ACSS1: variants seen among roughly 807,000 people sequenced by gnomAD.
ACSS1 encodes the protein acyl-CoA synthetase short chain family member 1, also known as acetyl-coenzyme A synthetase 2-like, mitochondrial.
Under a neutral mutation model 75.3 loss-of-function variants are expected in ACSS1, and 42 were observed. The observed-to-expected ratio is 0.56, with a 90% CI of 0.44 to 0.72. The LOEUF (loss-of-function observed/expected upper bound fraction) is 0.72. ACSS1 is among the 30% of genes least tolerant of loss of function. ACSS1 has a pLI of 0.00. For missense variants in ACSS1, 782 were observed against 935.7 expected, an observed-to-expected ratio of 0.84 and a Z score of 2.14; for synonymous variants, 380 against 376.8, an observed-to-expected ratio of 1.01 and a Z score of -0.10.
At chr20:25,039,656 G>A (rs532418661) in intron 2 of ACSS1, among the ~76,000 whole-genome samples, 79 of 152,326 alleles carry the variant, frequency 5.2e-4, no homozygotes, top group Non-Finnish European at 7.9e-4. Flanking sequence ...GCACAGGCAG[G>A]TCAAATCCCA....
chr20:25,053,029 A>G lies in ACSS1; in HGVS notation c.334+4740T>C, dbSNP rs150989237. Among the ~76,000 whole-genome samples, 384 of 149,270 alleles carry G rather than the reference A, an allele frequency of 2.6e-3. 1 individual carries two copies. The highest frequency in any genetic ancestry group is 9.2e-3 in the African/African-American group (369 of 40,182). ...GTGGAACCCAGCATACAGAAATTCA[A>G]TTTGAATACGGAGTTACTATTCACA... On this transcript the variant is annotated intron_variant, in intron 1 of 13. Transcript: ENST00000323482.
intron 13 of ACSS1, among the ~76,000 whole-genome samples, chr20:25,008,383 C>G (rs1448085047): frequency 6.6e-6 from 1 of 152,250 alleles, no homozygotes; most frequent in Non-Finnish European, 1.5e-5. Context: ...TAACATGGAG[C>G]ATGCTCAAAC....
intron 7 of ACSS1, among the ~76,000 whole-genome samples, chr20:25,016,671 A>T (rs1451871467): frequency 6.6e-6 from 1 of 152,198 alleles, no homozygotes; most frequent in African/African-American, 2.4e-5. Flanking sequence ...GAACATCCAC[A>T]AGGGGCAGGG....
chr20:25,048,299 G>A, intron 1 of ACSS1, 118 bp from the exon 2 acceptor site: 1 of 770,296 alleles, frequency 1.3e-6, no homozygotes, highest in South Asian at 1.7e-5. Flanking sequence ...TCCACTGACA[G>A]AGACCCTGTC....
intron 2 of ACSS1, chr20:25,031,249 G>A (rs2088819442): frequency 4.4e-6 from 2 of 457,944 alleles, no homozygotes; most frequent in Non-Finnish European, 8.0e-6. Context: ...GCGTAGGGGA[G>A]CCATGGTGAC....
chr20:25,024,503 T>C (rs1229420212), intron 3 of ACSS1, among the ~76,000 whole-genome samples: 1 of 152,198 alleles, frequency 6.6e-6, no homozygotes, highest in Non-Finnish European at 1.5e-5. Context: ...CCACATCCCT[T>C]GGGCCTTTCA....
At chr20:25,023,357 C>A in intron 4 of ACSS1, 109 bp downstream of exon 4, 2 of 1,342,540 alleles carry the variant, frequency 1.5e-6, no homozygotes, top group South Asian at 1.3e-5. Context: ...CACAGAGGAA[C>A]CCTGGGCACC....
Position 25,013,555 on chromosome 20 carries a change from G to C in ACSS1, c.1560C>G (p.Ala520=), listed in dbSNP as rs2088456046. 1 of 1,602,348 alleles carries C rather than the reference G, an allele frequency of 6.2e-7. No individual in the cohort carries two copies. Among genetic ancestry groups the C allele is most frequent in the African/African-American group, 1.3e-5 (1 of 74,762 alleles). The change falls in exon 10 of 14, where the codon GCC becomes GCG. Residue 520 remains alanine, a synonymous_variant. Coordinates refer to ENST00000323482, the MANE Select transcript of ACSS1 (RefSeq NM_032501.4). ...GCTCACCTGGGTAGGCCTTGAAGTA[G>C]GCGTCCACAAATCGCTGGTGGTCGC... ...IYGDHQRFVD[A]YFKAYPGYYF...
chr20:25,036,220 G>A lies in ACSS1; in HGVS notation c.432-5262C>T, dbSNP rs1312669674. Reference sequence around the variant, plus strand: ...GCTTTTGGTGCAGACGTATGCAAATGATGTGCACAAAAATACAAATGTGGC... The same window carrying A: ...GCTTTTGGTGCAGACGTATGCAAATAATGTGCACAAAAATACAAATGTGGC... On this transcript the variant is annotated intron_variant, in intron 2 of 13. Coordinates refer to ENST00000323482, the MANE Select transcript of ACSS1 (RefSeq NM_032501.4). 4.6e-5 allele frequency among the ~76,000 whole-genome samples: 7 copies of A among 152,316 alleles called. No homozygotes were observed. The Middle Eastern group carries it at 0.017, about 370-fold the overall frequency.
intron 1 of ACSS1, among the ~76,000 whole-genome samples, chr20:25,049,699 C>T (rs1215215944): frequency 2.0e-5 from 3 of 152,176 alleles, no homozygotes; most frequent in African/African-American, 4.8e-5. Context: ...TCCACGGAGA[C>T]AGCGCCCGCA....
At chr20:25,012,206 G>C in intron 12 of ACSS1, 1 of 284,138 alleles carries the variant, frequency 3.5e-6, no homozygotes, top group Non-Finnish European at 6.9e-6. Context: ...CGGCTGCAGA[G>C]CTGGCTTGAG....
chr20:25,032,643 C>T (rs1216973388), intron 2 of ACSS1: 1 of 1,225,352 alleles, frequency 8.2e-7, no homozygotes, highest in African/African-American at 1.6e-5. Flanking sequence ...CTCGGGCTCT[C>T]AAGGCCGCTC....
chr20:25,009,251 T>C lies in ACSS1; in HGVS notation c.1890+19A>G, dbSNP rs535322244. The C allele has an allele frequency of 3.2e-6, 5 of 1,572,270 alleles. No homozygotes were observed. The highest frequency in any genetic ancestry group is 1.1e-5 in the South Asian group (1 of 90,146). ...GAAGAACAGCAGCACAGCCCCATCTTTGTGGGAGGCCCACTCACCAGGATC... is the reference window on the plus strand; with the variant it reads ...GAAGAACAGCAGCACAGCCCCATCTCTGTGGGAGGCCCACTCACCAGGATC... On this transcript the variant is annotated intron_variant, in intron 13 of 13. Coordinates refer to ENST00000323482, the MANE Select transcript of ACSS1 (RefSeq NM_032501.4).
At chr20:25,015,856 A>G (rs2088507208) in intron 7 of ACSS1, among the ~76,000 whole-genome samples, 1 of 152,198 alleles carries the variant, frequency 6.6e-6, no homozygotes, top group African/African-American at 2.4e-5. Flanking sequence ...TTCTCTTAAC[A>G]TTTAAAACTC....
At chr20:25,024,851 T>C (rs1291338513) in intron 3 of ACSS1, among the ~76,000 whole-genome samples, 2 of 152,110 alleles carry the variant, frequency 1.3e-5, no homozygotes, top group East Asian at 3.9e-4. Context: ...CACAGCACCA[T>C]CCGGGGGTCA....
intron 3 of ACSS1, among the ~76,000 whole-genome samples, chr20:25,026,903 C>T (rs1179444497): frequency 1.3e-5 from 2 of 152,212 alleles, no homozygotes; most frequent in Non-Finnish European, 2.9e-5. Flanking sequence ...TGGGAGCTGC[C>T]CCAGCATCCA....
At chr20:25,047,693 A>G (rs1685905774) in intron 2 of ACSS1, among the ~76,000 whole-genome samples, 1 of 152,156 alleles carries the variant, frequency 6.6e-6, no homozygotes, top group South Asian at 2.1e-4. Context: ...GTGCTGCACC[A>G]ACACAGCAGC....
chr20:25,047,919 T>C (rs1205772345), intron 2 of ACSS1, among the ~76,000 whole-genome samples, 166 bp downstream of exon 2: 3 of 152,084 alleles, frequency 2.0e-5, no homozygotes, highest in South Asian at 2.1e-4. Flanking sequence ...TTTTACTGTG[T>C]TTCATTCTGC....
At chr20:25,046,902 C>T (rs2089101596) in intron 2 of ACSS1, 3 of 779,676 alleles carry the variant, frequency 3.8e-6, no homozygotes, top group South Asian at 2.7e-5. Flanking sequence ...GCTGTATAGG[C>T]TGTGAGTCTG....
Sources: allele counts gnomAD v4.1 joint callset (sites outside exome capture counted in the v4.1 genomes callset), GRCh38; gene constraint gnomAD v4.1.1; transcripts MANE v1.5; gene names NCBI Gene and HGNC (gene_info 2026-07-23, HGNC 2026-07-21).